Variants in TRIM45 observed in about 807,000 individuals in gnomAD.
The protein encoded by TRIM45 is E3 ubiquitin-protein ligase TRIM45.
A neutral mutation model predicts 46.7 loss-of-function variants in TRIM45; 45 were observed. That is an observed-to-expected ratio of 0.96 (90% CI 0.76 to 1.24). The LOEUF is 1.24. TRIM45 is among the 50% of genes most tolerant of loss of function. The pLI is 0.00. For missense variants in TRIM45, 680 were observed against 728.4 expected (o/e 0.93, Z 0.77); for synonymous variants, 259 against 285.8 (o/e 0.91, Z 0.94).
chr1:117,116,848 A>G lies in TRIM45; in HGVS notation c.1223-103T>C. 6.6e-7 allele frequency: 1 copy of G among 1,504,880 alleles called. No homozygotes were observed. The highest frequency in any genetic ancestry group is 9.0e-7 in the Non-Finnish European group (1 of 1,105,108). The allele number at this position is 1,504,880 out of a possible 1,614,324, so 93.2% of individuals were successfully genotyped here. On this transcript the variant is annotated intron_variant, in intron 2 of 5. Coordinates refer to ENST00000256649, the MANE Select transcript of TRIM45 (RefSeq NM_025188.4). The surrounding 1 kb of genome is among the most constrained non-coding windows in gnomAD (Gnocchi z 4.6). ...AGAACAAAGGGTTGTACTTTACTGT[A>G]ACCACCCTGGGTCCCTTTGTTTTCT...
chr1:117,118,608 C>A lies in TRIM45; in HGVS notation c.648G>T (p.Val216=), dbSNP rs1650501888. 6.2e-7 allele frequency: 1 copy of A among 1,614,018 alleles called. No homozygotes were observed. The highest frequency in any genetic ancestry group is 1.1e-5 in the South Asian group (1 of 91,088). Residue 216 remains valine, a synonymous_variant, in exon 2 of 6, where the codon GTG becomes GTT. Coordinates refer to ENST00000256649, the MANE Select transcript of TRIM45 (RefSeq NM_025188.4). The surrounding 1 kb of genome is among the most constrained non-coding windows in gnomAD (Gnocchi z 5.7). ...CACAGGGGTGTTCCCGATGCTCCCC[C>A]ACCACACAATCCTGGCACACGGGCC... ...CDRPVCQDCV[V]GEHREHPCDF... is the part of the protein sequence containing the mutation.
chr1:117,112,030 T>C lies in TRIM45; in HGVS notation c.*275A>G. On this transcript the variant is annotated 3_prime_UTR_variant, in exon 6 of 6. Coordinates refer to ENST00000256649, the MANE Select transcript of TRIM45 (RefSeq NM_025188.4). ...GACCCTTCAGTGCCAATGGAATAGA[T>C]ACCTCCATACTGTACAAAATGAAAA... The C allele has an allele frequency of 3.5e-6, 1 of 283,540 alleles. No individual in the cohort carries two copies. The highest frequency in any genetic ancestry group is 5.2e-5 in the Admixed American group (1 of 19,268). The allele number at this position is 283,540 out of a possible 1,614,324, so 17.6% of individuals were successfully genotyped here.
chr1:117,118,044 T>G lies in TRIM45; in HGVS notation c.1212A>C (p.Leu404=). 1 of 1,613,154 alleles carries G rather than the reference T, an allele frequency of 6.2e-7. No homozygotes were observed. The highest frequency in any genetic ancestry group is 8.5e-7 in the Non-Finnish European group (1 of 1,179,402). Residue 404 remains leucine (L), a synonymous_variant, in exon 2 of 6, where the codon CTA becomes CTC. Coordinates refer to ENST00000256649, the MANE Select transcript of TRIM45 (RefSeq NM_025188.4). The surrounding 1 kb of genome is among the most constrained non-coding windows in gnomAD (Gnocchi z 5.7). ...GAAATGCCTTCCTACCTTCTCCTTGTAGGACACATTTGGCTGGATCAACCT... is the reference window on the plus strand; with the variant it reads ...GAAATGCCTTCCTACCTTCTCCTTGGAGGACACATTTGGCTGGATCAACCT... The part of the protein sequence containing the change: ...TKEVDPAKCV[L]QGEDLHRARE...
Position 117,113,516 on chromosome 1 carries a change from G to C in TRIM45, c.1468-31C>G, listed in dbSNP as rs369201676. 6.2e-7 allele frequency: 1 copy of C among 1,605,154 alleles called. No homozygotes were observed. The highest frequency in any genetic ancestry group is 1.3e-5 in the African/African-American group (1 of 74,866). On this transcript the variant is annotated intron_variant, in intron 4 of 5. Transcript: ENST00000256649. The surrounding 1 kb of genome is among the most constrained non-coding windows in gnomAD (Gnocchi z 4.0). Reference sequence around the variant, plus strand: ...GTGTTCAGACCAAAAGCAATGAACAGCATCTTACGAGTTAACAGGATGTGC... The same window carrying C: ...GTGTTCAGACCAAAAGCAATGAACACCATCTTACGAGTTAACAGGATGTGC...
At position 117,118,694 on chromosome 1, in the gene TRIM45, G is replaced by C; in HGVS notation, c.562C>G (p.Pro188Ala). The change falls in exon 2 of 6, where the codon CCC becomes GCC. Residue 188 changes from proline to alanine, a missense_variant. This residue lies in a region of TRIM45 where 349 missense variants were observed against 343.6 expected (regional missense o/e 1.02). Coordinates refer to ENST00000256649, the MANE Select transcript of TRIM45 (RefSeq NM_025188.4). The surrounding 1 kb of genome is among the most constrained non-coding windows in gnomAD (Gnocchi z 5.7). ...DLKGYSRIGK[P>A]ILCPVHPAEE... Reference sequence around the variant, plus strand: ...GCAGGGTGAACAGGACACAGGATGGGCTTCCCAATCCGGCTGTAGCCTTTC... The same window carrying C: ...GCAGGGTGAACAGGACACAGGATGGCCTTCCCAATCCGGCTGTAGCCTTTC... 1.9e-6 allele frequency: 3 copies of C among 1,613,816 alleles called. No homozygotes were observed. The highest frequency in any genetic ancestry group is 2.5e-6 in the Non-Finnish European group (3 of 1,180,050).
chr1:117,122,830 T>G (rs1312525196), upstream of TRIM45, among the ~76,000 whole-genome samples: 1 of 152,180 alleles, frequency 6.6e-6, no homozygotes, highest in Non-Finnish European at 1.5e-5. Context: ...GCTGCTCCTT[T>G]CCCCTCCACC....
At chr1:117,123,815 G>C (rs1650757647), upstream of TRIM45, among the ~76,000 whole-genome samples, 1 of 152,016 alleles carries the variant, frequency 6.6e-6, no homozygotes, top group African/African-American at 2.4e-5. Context: ...ATTTTTAGTA[G>C]AGACTGGATT....
In TRIM45 at chr1:117,120,857, G is replaced by T; in HGVS notation, c.345C>A (p.His115Gln). Reference sequence around the variant, plus strand: ...CCAGCATCACATCATTCACGGCCAGGTGGTCTATGGTTAAAGCCTTCACTC... The same window carrying T: ...CCAGCATCACATCATTCACGGCCAGTTGGTCTATGGTTAAAGCCTTCACTC... Reference protein sequence around the residue: ...MGGVKALTIDHLAVNDVMLES... With the variant: ...MGGVKALTIDQLAVNDVMLES... The change falls in exon 1 of 6, where the codon CAC (histidine) becomes CAA (glutamine). Residue 115 changes from histidine (H) to glutamine (Q), a missense_variant. Around this residue, in one of 3 missense-constraint regions of TRIM45, gnomAD observed 349 missense variants for 343.6 expected, o/e 1.02. Coordinates refer to ENST00000256649, the MANE Select transcript of TRIM45 (RefSeq NM_025188.4). 3 of 1,614,164 alleles carry T rather than the reference G, an allele frequency of 1.9e-6. No homozygotes were observed. The highest frequency in any genetic ancestry group is 2.5e-6 in the Non-Finnish European group (3 of 1,180,042).
chr1:117,118,523 T>C lies in TRIM45; in HGVS notation c.733A>G (p.Thr245Ala). ...TCCAGGGCCTCCACGTGGGGCTGAG[T>C]ACCTTTGAGGAGCTCCCACACAGAG... ...GDSVWELLKG[T>A]QPHVEALEEA... Residue 245 changes from threonine (T) to alanine (A), a missense_variant, in exon 2 of 6, where the codon ACT becomes GCT. Physicochemically the swap from Thr to Ala is moderately conservative, Grantham distance 58. Coordinates refer to ENST00000256649, the MANE Select transcript of TRIM45 (RefSeq NM_025188.4). The surrounding 1 kb of genome is among the most constrained non-coding windows in gnomAD (Gnocchi z 5.7). 6.2e-7 allele frequency: 1 copy of C among 1,614,108 alleles called. No individual in the cohort carries two copies. The highest frequency in any genetic ancestry group is 8.5e-7 in the Non-Finnish European group (1 of 1,180,022).
rs911538995 is a variant in TRIM45 at position 117,115,999 on chromosome 1, C to A, written c.1353-310G>T. On this transcript the variant is annotated intron_variant, in intron 3 of 5. Coordinates refer to ENST00000256649, the MANE Select transcript of TRIM45 (RefSeq NM_025188.4). This position sits in a 1 kb window ranked among gnomAD's most constrained non-coding sequence, Gnocchi z 4.2. ...ACAATTCCAGAGAAATATAAACATG[C>A]TCCAGGCATAATTTAGTACCAAAGG... Among the ~76,000 whole-genome samples, 8 of 152,084 alleles carry A rather than the reference C, an allele frequency of 5.3e-5. No individual in the cohort carries two copies. Among genetic ancestry groups the A allele is most frequent in the Non-Finnish European group, 8.8e-5 (6 of 68,024 alleles).
rs765454920 is a variant in TRIM45 at position 117,118,060 on chromosome 1, G to A, written c.1196C>T (p.Pro399Leu). 1.2e-6 allele frequency: 2 copies of A among 1,614,012 alleles called. No individual in the cohort carries two copies. The highest frequency in any genetic ancestry group is 2.2e-5 in the South Asian group (2 of 91,040). ...YGTINTKEVDPAKCVLQGEDL... is the reference protein window; with the variant it reads ...YGTINTKEVDLAKCVLQGEDL... ...TTCTCCTTGTAGGACACATTTGGCT[G>A]GATCAACCTCTTTGGTATTAATCGT... Residue 399 changes from proline to leucine, a missense_variant, in exon 2 of 6, where the codon CCA becomes CTA. Physicochemically the swap from Pro to Leu is moderately conservative, Grantham distance 98. Transcript: ENST00000256649. This position sits in a 1 kb window ranked among gnomAD's most constrained non-coding sequence, Gnocchi z 5.7.
In TRIM45 at chr1:117,113,882, A is replaced by G. The variant is rs1224879512; in HGVS notation, c.1468-397T>C. ...AGCAAAAGCAGAAGCCCATGCCACAATAAGCTTAAGCTTTTCTTGATGGAT... is the reference window on the plus strand; with the variant it reads ...AGCAAAAGCAGAAGCCCATGCCACAGTAAGCTTAAGCTTTTCTTGATGGAT... On this transcript the variant is annotated intron_variant, in intron 4 of 5. Transcript: ENST00000256649. This position sits in a 1 kb window ranked among gnomAD's most constrained non-coding sequence, Gnocchi z 4.0. Among the ~76,000 whole-genome samples the G allele has an allele frequency of 6.6e-6, 1 of 152,234 alleles. No homozygotes were observed. The highest frequency in any genetic ancestry group is 1.9e-4 in the East Asian group (1 of 5,202).
Position 117,121,727 on chromosome 1 carries a change from C to T in TRIM45, c.-526G>A. The T allele has an allele frequency of 8.2e-6, 5 of 607,846 alleles. No individual in the cohort carries two copies. The South Asian group carries it at 9.2e-5, about 11-fold the overall frequency. 37.7% of individuals were successfully genotyped at this position (607,846 alleles called of 1,614,324 possible). On this transcript the variant is annotated 5_prime_UTR_variant, in exon 1 of 6. Transcript: ENST00000256649. This position sits in a 1 kb window ranked among gnomAD's most constrained non-coding sequence, Gnocchi z 4.2. ...TCCACCGCCTCTCCCGCGCCTCGGCCCGGGACGCCCGCGGGCTCTGGCCCC... is the reference window on the plus strand; with the variant it reads ...TCCACCGCCTCTCCCGCGCCTCGGCTCGGGACGCCCGCGGGCTCTGGCCCC...
rs995902842 is a variant in TRIM45, at chr1:117,121,050, G to T, written c.152C>A (p.Thr51Lys). 8.1e-6 allele frequency: 13 copies of T among 1,614,040 alleles called. No individual in the cohort carries two copies. The highest frequency in any genetic ancestry group is 2.7e-5 in the African/African-American group (2 of 74,908). ...LLPCLHTVCT[T>K]CLEQLEPFSV... is the part of the protein sequence containing the mutation. ...GAAGGGCTCCAGCTGCTCCAGACAC[G>T]TGGTGCAAACTGTATGCAAACAAGG... Residue 51 changes from threonine (T) to lysine (K), a missense_variant, in exon 1 of 6, where the codon ACG (threonine) becomes AAG (lysine). Transcript: ENST00000256649. This position sits in a 1 kb window ranked among gnomAD's most constrained non-coding sequence, Gnocchi z 4.2.
rs1650644165 is a variant in TRIM45 at position 117,121,709 on chromosome 1, C to A, written c.-508G>T. The A allele has an allele frequency of 3.5e-6, 2 of 576,698 alleles. No individual in the cohort carries two copies. The highest frequency in any genetic ancestry group is 2.0e-5 in the African/African-American group (1 of 50,320). The allele number at this position is 576,698 out of a possible 1,614,324, so 35.7% of individuals were successfully genotyped here. A position where few individuals can be genotyped will look rare whatever the true frequency, so the allele number is the denominator to read the frequency against. On this transcript the variant is annotated 5_prime_UTR_variant, in exon 1 of 6. Transcript: ENST00000256649. The surrounding 1 kb of genome is among the most constrained non-coding windows in gnomAD (Gnocchi z 4.2). ...CCGGCGGGCTTCTCGGTGTCCACCGCCTCTCCCGCGCCTCGGCCCGGGACG... is the reference window on the plus strand; with the variant it reads ...CCGGCGGGCTTCTCGGTGTCCACCGACTCTCCCGCGCCTCGGCCCGGGACG...
At chr1:117,121,969 G>A (rs887019857), upstream of TRIM45, 3 of 619,766 alleles carry the variant, frequency 4.8e-6, no homozygotes, top group African/African-American at 3.8e-5. The surrounding 1 kb of genome is among the most constrained non-coding windows in gnomAD (Gnocchi z 4.2). Flanking sequence ...AGTGCGGCGG[G>A]AGGAAAAGGC....
rs1650205610 is a variant in TRIM45, at chr1:117,111,448, A to C, written c.*857T>G. On this transcript the variant is annotated 3_prime_UTR_variant, in exon 6 of 6. Transcript: ENST00000256649. The stretch of plus-strand genomic sequence containing the variant: ...GCCCTTGACCAAAGAGTAATCTTCC[A>C]GGCTTTGGGGCAGAAGGCTGTCATG... The C allele has an allele frequency of 6.6e-6, 1 of 152,192 alleles. No homozygotes were observed. The allele number at this position is 152,192 out of a possible 1,614,324, so 9.4% of individuals were successfully genotyped here.
Position 117,113,456 on chromosome 1 carries a change from TCTC to T in TRIM45, c.1494_1496del (p.Arg499del). 6.2e-7 allele frequency: 1 copy of T among 1,612,866 alleles called. No individual in the cohort carries two copies. Among genetic ancestry groups the T allele is most frequent in the Non-Finnish European group, 8.5e-7 (1 of 1,180,012 alleles). The stretch of plus-strand genomic sequence containing the variant: ...ACACGCCTGAGTGTGGGCGGTGCTT[TCTC>T]CTCACCATCACAGTGAATGGCGAGC... On this transcript the variant is annotated inframe_deletion, in exon 5 of 6. Coordinates refer to ENST00000256649, the MANE Select transcript of TRIM45 (RefSeq NM_025188.4). The surrounding 1 kb of genome is among the most constrained non-coding windows in gnomAD (Gnocchi z 4.0).
In TRIM45 at chr1:117,117,461, A is replaced by G. The variant is rs999714895; in HGVS notation, c.1222+573T>C. Among the ~76,000 whole-genome samples the G allele has an allele frequency of 6.6e-6, 1 of 152,192 alleles. No homozygotes were observed. The highest frequency in any genetic ancestry group is 2.4e-5 in the African/African-American group (1 of 41,442). On this transcript the variant is annotated intron_variant, in intron 2 of 5. Coordinates refer to ENST00000256649, the MANE Select transcript of TRIM45 (RefSeq NM_025188.4). This position sits in a 1 kb window ranked among gnomAD's most constrained non-coding sequence, Gnocchi z 4.9. Reference sequence around the variant, plus strand: ...GGACTGACCTACTGACCTGTGAAACATATGTTTTAATAATATGCTTCCATT... The same window carrying G: ...GGACTGACCTACTGACCTGTGAAACGTATGTTTTAATAATATGCTTCCATT...
Sources: allele counts gnomAD v4.1 joint callset (sites outside exome capture counted in the v4.1 genomes callset), GRCh38; gene constraint gnomAD v4.1.1; regional missense constraint gnomAD v4.1.1; non-coding constraint Gnocchi (gnomAD v3.1); transcripts MANE v1.5; gene names NCBI Gene and HGNC (gene_info 2026-07-23, HGNC 2026-07-21).